PIK3C2G: variants seen among roughly 807,000 people sequenced by gnomAD.
The protein encoded by PIK3C2G is phosphatidylinositol 3-kinase C2 domain-containing subunit gamma.
Under a neutral mutation model 181.1 loss-of-function variants are expected in PIK3C2G, and 168 were observed. The observed-to-expected ratio is 0.93, with a 90% CI of 0.82 to 1.05. PIK3C2G has a LOEUF of 1.05. Among genes scored for constraint, PIK3C2G ranks in the 50% least tolerant of loss-of-function variants. The probability of loss-of-function intolerance (pLI) is 0.00; values close to 1 mark genes in which losing one functional copy is unlikely to be tolerated. For missense variants in PIK3C2G, 1,869 were observed against 1,732.8 expected (o/e 1.08, Z -1.40); for synonymous variants, 573 against 592.2 (o/e 0.97, Z 0.47).
At chr12:18,494,445 G>A (rs770234277) in intron 20 of PIK3C2G, among the ~76,000 whole-genome samples, 11 of 151,798 alleles carry the variant, frequency 7.2e-5, no homozygotes, top group Non-Finnish European at 1.3e-4. Flanking sequence ...AATTTAATAG[G>A]CTTTGTGAGG....
intron 1 of PIK3C2G, among the ~76,000 whole-genome samples, chr12:18,275,263 TTTTC>T (rs1201670126): frequency 6.6e-6 from 1 of 152,218 alleles, no homozygotes; most frequent in African/African-American, 2.4e-5. Context: ...ACGTTGGCCT[TTTTC>T]ACTGCTGTGA....
chr12:18,325,662 C>T (rs1473852715), intron 8 of PIK3C2G, among the ~76,000 whole-genome samples: 1 of 141,948 alleles, frequency 7.0e-6, no homozygotes, highest in South Asian at 2.2e-4. Context: ...GAGCCGAGAT[C>T]GGGCCACTGT....
chr12:18,723,851 A>C, the PIK3C2G span, among the ~76,000 whole-genome samples: 11 of 152,122 alleles, frequency 7.2e-5, no homozygotes, highest in Non-Finnish European at 1.6e-4. Flanking sequence ...TATCTTCTTA[A>C]AACCATACCA....
At chr12:18,604,050 T>C (rs934404025) in intron 30 of PIK3C2G, among the ~76,000 whole-genome samples, 1 of 152,166 alleles carries the variant, frequency 6.6e-6, no homozygotes, top group African/African-American at 2.4e-5. Context: ...CACATTTCAA[T>C]ACTAACATTG....
intron 24 of PIK3C2G, among the ~76,000 whole-genome samples, chr12:18,521,862 A>G (rs529321834): frequency 3.0e-4 from 46 of 152,364 alleles, no homozygotes; most frequent in Admixed American, 2.5e-3. Flanking sequence ...GTGCGGCTCC[A>G]TGGTTAGGAC....
chr12:18,318,937 T>C (rs1950987549), intron 6 of PIK3C2G, among the ~76,000 whole-genome samples: 2 of 151,796 alleles, frequency 1.3e-5, no homozygotes, highest in South Asian at 2.1e-4. Context: ...TATACAAAAA[T>C]AGCCAAACCT....
At chr12:18,534,895 AACC>A (rs974701650) in intron 24 of PIK3C2G, among the ~76,000 whole-genome samples, 3 of 152,028 alleles carry the variant, frequency 2.0e-5, no homozygotes, top group African/African-American at 7.2e-5. Context: ...GCAAAGGTAA[AACC>A]ACTAATCTAG....
chr12:18,429,405 A>G (rs1946026983), intron 18 of PIK3C2G, among the ~76,000 whole-genome samples: 1 of 152,170 alleles, frequency 6.6e-6, no homozygotes, highest in Non-Finnish European at 1.5e-5. Flanking sequence ...GGAAAATAAT[A>G]TAACAGACTT....
chr12:18,426,713 G>A (rs1435680731), intron 18 of PIK3C2G, among the ~76,000 whole-genome samples: 3 of 152,098 alleles, frequency 2.0e-5, no homozygotes, highest in African/African-American at 7.2e-5. Flanking sequence ...ATATTTTTCT[G>A]CTTCAAGAAA....
rs771153006 is a variant in PIK3C2G at position 18,320,953 on chromosome 12, T to C, written c.1138-9T>C. On this transcript the variant is annotated splice_polypyrimidine_tract_variant and intron_variant, in intron 6 of 32. Coordinates refer to ENST00000538779, the MANE Select transcript of PIK3C2G (RefSeq NM_001288772.2). ...CTCAATAAATATTAATATATTCTGC[T>C]GTCTACAGCATGAAGAGGACCACAG... The C allele has an allele frequency of 1.3e-5, 19 of 1,496,082 alleles. No individual in the cohort carries two copies. Among genetic ancestry groups the C allele is most frequent in the Middle Eastern group, 2.1e-4 (1 of 4,768 alleles). 92.7% of individuals were successfully genotyped at this position (1,496,082 alleles called of 1,614,324 possible). A position where few individuals can be genotyped will look rare whatever the true frequency, so the allele number is the denominator to read the frequency against.
chr12:18,518,255 G>A (rs1001756131), intron 24 of PIK3C2G, among the ~76,000 whole-genome samples: 1 of 152,192 alleles, frequency 6.6e-6, no homozygotes, highest in South Asian at 2.1e-4. Context: ...CTCAGAAAAT[G>A]AGTTAGGGAG....
At chr12:18,530,897 T>C (rs922588224) in intron 24 of PIK3C2G, among the ~76,000 whole-genome samples, 4 of 152,136 alleles carry the variant, frequency 2.6e-5, no homozygotes, top group Non-Finnish European at 5.9e-5. Context: ...CAATTAAACC[T>C]CTTTTCTCCA....
At chr12:18,360,369 T>G (rs1592059276) in intron 11 of PIK3C2G, among the ~76,000 whole-genome samples, 1 of 152,318 alleles carries the variant, frequency 6.6e-6, no homozygotes, top group East Asian at 1.9e-4. Flanking sequence ...TTTTGTACTT[T>G]TATCTTTTAA....
At chr12:18,693,256 TA>T in the PIK3C2G span, 200 of 1,540,716 alleles carry the variant, frequency 1.3e-4, no homozygotes, top group Non-Finnish European at 1.6e-4. Context: ...CATACCATGA[TA>T]GGGGTGCTGA....
chr12:18,666,089 ATAACT>A, the PIK3C2G span, among the ~76,000 whole-genome samples: 1 of 152,098 alleles, frequency 6.6e-6, no homozygotes, highest in African/African-American at 2.4e-5. Flanking sequence ...CATTAAGAAA[ATAACT>A]TAAAAGTGTA....
intron 18 of PIK3C2G, among the ~76,000 whole-genome samples, chr12:18,471,163 C>G (rs1203508135): frequency 6.6e-6 from 1 of 152,122 alleles, no homozygotes; most frequent in Non-Finnish European, 1.5e-5. Flanking sequence ...GACAGACTTT[C>G]TGGTATGCCA....
chr12:18,717,174 A>C, the PIK3C2G span, among the ~76,000 whole-genome samples: 1 of 152,264 alleles, frequency 6.6e-6, no homozygotes, highest in East Asian at 1.9e-4. Context: ...TTTTTCTTGT[A>C]ATGTAAAAGT....
At chr12:18,355,059 T>C (rs1054541266) in intron 11 of PIK3C2G, among the ~76,000 whole-genome samples, 1 of 152,220 alleles carries the variant, frequency 6.6e-6, no homozygotes. Context: ...TCCCAGGCCT[T>C]ATCTGTGCCA....
At chr12:18,665,391 T>A in the PIK3C2G span, among the ~76,000 whole-genome samples, 1 of 152,150 alleles carries the variant, frequency 6.6e-6, no homozygotes, top group Non-Finnish European at 1.5e-5. Context: ...TTTTATATTA[T>A]TTGTATTTCA....
Sources: gnomAD v4.1 joint callset for allele counts (sites outside exome capture counted in the v4.1 genomes callset) on GRCh38, gnomAD v4.1.1 for gene constraint, MANE v1.5 for transcripts, NCBI Gene and HGNC (gene_info 2026-07-23, HGNC 2026-07-21) for gene names.